Variants in UBR2 observed in about 807,000 individuals in gnomAD.
The protein encoded by UBR2 is ubiquitin protein ligase E3 component n-recognin 2.
UBR2 carries 92 observed loss-of-function variants against 247.9 expected under a neutral mutation model. That is an observed-to-expected ratio of 0.37 (90% CI 0.31 to 0.44). The LOEUF is 0.44. UBR2 is among the 20% of genes least tolerant of loss of function. The pLI is 1.00. For synonymous variants in UBR2, 672 were observed against 693.5 expected (o/e 0.97, Z 0.49); for missense variants, 1,613 against 2,112.6 (o/e 0.76, Z 4.64).
intron 43 of UBR2, 93 bp from the exon 44 acceptor site, chr6:42,684,701 C>T: frequency 1.2e-6 from 1 of 813,984 alleles, no homozygotes. Context: ...ACCATGTTAC[C>T]CGGGCTAGGC....
chr6:42,670,346 G>A (rs1798357398), intron 35 of UBR2, 106 bp downstream of exon 35: 3 of 1,383,706 alleles, frequency 2.2e-6, no homozygotes, highest in Admixed American at 2.2e-5. Flanking sequence ...GTAACAACGT[G>A]AAGAAATAAT....
rs765528827 is a variant in UBR2, at chr6:42,691,485, G to T, written c.*312G>T. The T allele has an allele frequency of 1.0e-4, 35 of 336,816 alleles. No individual in the cohort carries two copies. The highest frequency in any genetic ancestry group is 7.7e-4 in the African/African-American group (35 of 45,426). 20.9% of individuals were successfully genotyped at this position (336,816 alleles called of 1,614,324 possible). On this transcript the variant is annotated 3_prime_UTR_variant, in exon 47 of 47. Coordinates refer to ENST00000372901, the MANE Select transcript of UBR2 (RefSeq NM_001363705.2). ...TCCCAGCCATTATGTGATATTTCAC[G>T]TTATTGATGATAGTGAACCGTGGGT...
At chr6:42,690,081 T>G (rs1645908091) in intron 46 of UBR2, among the ~76,000 whole-genome samples, 1 of 152,200 alleles carries the variant, frequency 6.6e-6, no homozygotes, top group South Asian at 2.1e-4. Context: ...GACAAAGATT[T>G]AAAACATAAA....
intron 4 of UBR2, among the ~76,000 whole-genome samples, chr6:42,597,266 A>G (rs1338834946): frequency 6.6e-6 from 1 of 152,132 alleles, no homozygotes; most frequent in East Asian, 1.9e-4. Flanking sequence ...GACAAAGAAT[A>G]AAGCCTTCCA....
intron 22 of UBR2, among the ~76,000 whole-genome samples, chr6:42,649,675 GCCGTTTATTTTTTC>G (rs1300829368): frequency 6.6e-6 from 1 of 152,020 alleles, no homozygotes; most frequent in East Asian, 1.9e-4. Context: ...GTGTTTATTG[GCCGTTTATTTTTTC>G]ATACTTTAAT....
chr6:42,589,382 A>G (rs1792510582), intron 2 of UBR2, among the ~76,000 whole-genome samples: 1 of 152,320 alleles, frequency 6.6e-6, no homozygotes, highest in Admixed American at 6.5e-5. Flanking sequence ...CTACTTGGTT[A>G]TAGTGTAGAA....
In UBR2 at chr6:42,679,750, T is replaced by A; in HGVS notation, c.4636T>A (p.Leu1546Ile). 1 of 1,613,528 alleles carries A rather than the reference T, an allele frequency of 6.2e-7. No homozygotes were observed. Among genetic ancestry groups the A allele is most frequent in the East Asian group, 2.2e-5 (1 of 44,870 alleles). Reference sequence around the variant, plus strand: ...TCCTGGAACAAGCCATTTTGAACATTTATGTAGCTATCTTTCCCTACCAAA... The same window carrying A: ...TCCTGGAACAAGCCATTTTGAACATATATGTAGCTATCTTTCCCTACCAAA... Reference protein sequence around the residue: ...QVPGTSHFEHLCSYLSLPNNL... With the variant: ...QVPGTSHFEHICSYLSLPNNL... Residue 1546 changes from leucine (L) to isoleucine (I), a missense_variant, in exon 42 of 47, where the codon TTA (leucine) becomes ATA (isoleucine). By Grantham distance (5) the Leu-to-Ile change is conservative. Transcript: ENST00000372901.
chr6:42,636,915 T>C, intron 14 of UBR2, 96 bp from the exon 15 acceptor site: 1 of 1,350,798 alleles, frequency 7.4e-7, no homozygotes, highest in African/African-American at 1.5e-5. Context: ...GCCTATATTG[T>C]TATTTGAGGT....
In UBR2 at chr6:42,586,186, G is replaced by A. The variant is rs186900614; in HGVS notation, c.339-5965G>A. Among the ~76,000 whole-genome samples the A allele has an allele frequency of 6.8e-4, 103 of 150,834 alleles. No individual in the cohort carries two copies. The East Asian group carries it at 0.01, about 15-fold the overall frequency. ...TCAAGACCAGCCTGGGCAACATGTCGAAACCCCATCTCTACCAAAAAAAAA... is the reference window on the plus strand; with the variant it reads ...TCAAGACCAGCCTGGGCAACATGTCAAAACCCCATCTCTACCAAAAAAAAA... On this transcript the variant is annotated intron_variant, in intron 2 of 46. Coordinates refer to ENST00000372901, the MANE Select transcript of UBR2 (RefSeq NM_001363705.2).
At chr6:42,577,911 TTTTTAC>T (rs1377176665) in intron 2 of UBR2, among the ~76,000 whole-genome samples, 1 of 152,136 alleles carries the variant, frequency 6.6e-6, no homozygotes, top group Non-Finnish European at 1.5e-5. Flanking sequence ...TAGGCTTTTT[TTTTTAC>T]TTTAATAGTG....
chr6:42,682,987 G>A (rs538851047), intron 42 of UBR2, 68 bp from the exon 43 acceptor site: 3 of 1,394,716 alleles, frequency 2.2e-6, no homozygotes, highest in East Asian at 2.4e-5. Context: ...TGGCTATGGA[G>A]GGGAAAAAAT....
At chr6:42,581,213 G>A (rs569808977) in intron 2 of UBR2, among the ~76,000 whole-genome samples, 27 of 148,522 alleles carry the variant, frequency 1.8e-4, no homozygotes, top group African/African-American at 5.7e-4. Flanking sequence ...TCTCCGAGAC[G>A]GAGTCTCGCT....
intron 1 of UBR2, among the ~76,000 whole-genome samples, chr6:42,573,473 G>A (rs1271057055): frequency 6.6e-6 from 1 of 152,164 alleles, no homozygotes; most frequent in African/African-American, 2.4e-5. Flanking sequence ...GTACTGCCTA[G>A]AGAAGATTGC....
Position 42,617,388 on chromosome 6 carries a change from CT to C in UBR2, c.1183-14del. Reference sequence around the variant, plus strand: ...GTAACTGATAGCTGGCACTCCTTGCCTTTTTTTGCCTTCTTAATAGAACTAT... The same window carrying C: ...GTAACTGATAGCTGGCACTCCTTGCCTTTTTTGCCTTCTTAATAGAACTAT... On this transcript the variant is annotated intron_variant, in intron 10 of 46. Coordinates refer to ENST00000372901, the MANE Select transcript of UBR2 (RefSeq NM_001363705.2). The C allele has an allele frequency of 1.2e-6, 2 of 1,612,504 alleles. No homozygotes were observed. The highest frequency in any genetic ancestry group is 2.2e-5 in the East Asian group (1 of 44,828).
intron 13 of UBR2, 111 bp from the exon 14 acceptor site, chr6:42,635,307 C>T: frequency 9.0e-7 from 1 of 1,112,574 alleles, no homozygotes; most frequent in South Asian, 1.7e-5. Flanking sequence ...AAACTTATAC[C>T]TTCTATGTTT....
intron 2 of UBR2, among the ~76,000 whole-genome samples, chr6:42,574,552 T>C (rs1791374242): frequency 6.6e-6 from 1 of 152,168 alleles, no homozygotes; most frequent in South Asian, 2.1e-4. Context: ...TTAGGAAGAC[T>C]TTTCTTTTTT....
intron 2 of UBR2, among the ~76,000 whole-genome samples, chr6:42,576,696 T>C (rs1791540502): frequency 6.6e-6 from 1 of 151,856 alleles, no homozygotes; most frequent in African/African-American, 2.4e-5. Context: ...AATCTGTGTA[T>C]TTTTAGTAGG....
chr6:42,572,799 G>A (rs1791248366), intron 1 of UBR2, among the ~76,000 whole-genome samples: 1 of 152,004 alleles, frequency 6.6e-6, no homozygotes, highest in South Asian at 2.1e-4. Context: ...TGCCTCCTGG[G>A]TTTAAGCGAT....
Position 42,573,806 on chromosome 6 carries a change from T to G in UBR2, c.151T>G (p.Cys51Gly), listed in dbSNP as rs749357262. The change falls in exon 2 of 47, where the codon TGC (cysteine) becomes GGC (glycine). Residue 51 changes from cysteine (C) to glycine (G), a missense_variant. Transcript: ENST00000372901. ...AGCCCACTATGTACCCAAAATCTAC[T>G]GCAGGGGTCCCAACCCTTTTCCACA... ...HLAHYVPKIYCRGPNPFPQKE... is the reference protein window; with the variant it reads ...HLAHYVPKIYGRGPNPFPQKE... 1 of 1,613,534 alleles carries G rather than the reference T, an allele frequency of 6.2e-7. No individual in the cohort carries two copies. The highest frequency in any genetic ancestry group is 8.5e-7 in the Non-Finnish European group (1 of 1,179,672).
Sources: allele counts gnomAD v4.1 joint callset (sites outside exome capture counted in the v4.1 genomes callset), GRCh38; gene constraint gnomAD v4.1.1; transcripts MANE v1.5; gene names NCBI Gene and HGNC (gene_info 2026-07-23, HGNC 2026-07-21).